The following GRIP1 variants were observed in gnomAD, a reference collection of about 807,000 sequenced individuals.
GRIP1 encodes glutamate receptor interacting protein 1.
A neutral mutation model predicts 129.9 loss-of-function variants in GRIP1; 45 were observed. The observed-to-expected ratio is 0.35, with a 90% CI of 0.27 to 0.44. The LOEUF (loss-of-function observed/expected upper bound fraction) is 0.44. Among genes scored for constraint, GRIP1 ranks in the 20% least tolerant of loss-of-function variants. The pLI is 1.00. For missense variants in GRIP1, 1,196 were observed against 1,396.8 expected (o/e 0.86, Z 2.29); for synonymous variants, 530 against 520.8 (o/e 1.02, Z -0.24).
intron 1 of GRIP1, chr12:67,037,520 T>C (rs964963943): frequency 3.9e-5 from 6 of 152,112 alleles, no homozygotes; most frequent in Admixed American, 1.3e-4. Flanking sequence ...TATTTAAGCT[T>C]TTAGATTTTG....
intron 1 of GRIP1, among the ~76,000 whole-genome samples, chr12:66,748,240 C>T (rs530109124): frequency 2.0e-4 from 31 of 152,248 alleles, no homozygotes; most frequent in Non-Finnish European, 2.9e-5. Flanking sequence ...TAGTCTGAAA[C>T]TCCTGACCTC....
chr12:66,748,377 T>C (rs570801366), intron 1 of GRIP1, among the ~76,000 whole-genome samples: 3 of 152,256 alleles, frequency 2.0e-5, no homozygotes, highest in East Asian at 3.9e-4. Flanking sequence ...CCATACATAG[T>C]TGTATAATCT....
intron 7 of GRIP1, among the ~76,000 whole-genome samples, chr12:66,470,465 C>G (rs2059406795): frequency 6.6e-6 from 1 of 151,646 alleles, no homozygotes; most frequent in South Asian, 2.1e-4. Flanking sequence ...AACTGCTCTG[C>G]TCAAATGTCA....
At chr12:66,509,906 T>C (rs1316551087) in intron 7 of GRIP1, among the ~76,000 whole-genome samples, 1 of 151,966 alleles carries the variant, frequency 6.6e-6, no homozygotes. Flanking sequence ...CAAGTTTACC[T>C]ATGTAACAAA....
chr12:66,922,272 T>C (rs1237150545), intron 1 of GRIP1, among the ~76,000 whole-genome samples: 1 of 152,184 alleles, frequency 6.6e-6, no homozygotes, highest in Non-Finnish European at 1.5e-5. Flanking sequence ...ATTTACATGG[T>C]GCAAGGCTTG....
intron 1 of GRIP1, among the ~76,000 whole-genome samples, chr12:66,692,082 A>G (rs1178308545): frequency 6.6e-6 from 1 of 152,180 alleles, no homozygotes; most frequent in East Asian, 1.9e-4. Flanking sequence ...TCCCACCTTC[A>G]GTTTTCCATT....
intron 16 of GRIP1, among the ~76,000 whole-genome samples, chr12:66,401,513 A>T (rs1363035575): frequency 6.6e-6 from 1 of 151,096 alleles, no homozygotes; most frequent in East Asian, 2.0e-4. Context: ...TGGAAGGCGG[A>T]GGTTGCAGTG....
chr12:66,467,089 A>G lies in GRIP1; in HGVS notation c.725-1667T>C, dbSNP rs187819118. Among the ~76,000 whole-genome samples, 8 of 152,316 alleles carry G rather than the reference A, an allele frequency of 5.3e-5. No homozygotes were observed. In the East Asian group the frequency reaches 1.5e-3, roughly 29 times the overall value. Reference sequence around the variant, plus strand: ...GTATTAACACCATGTTTCCTAACTGACTGGTAAGATTGAAATGTTAGTCCT... The same window carrying G: ...GTATTAACACCATGTTTCCTAACTGGCTGGTAAGATTGAAATGTTAGTCCT... On this transcript the variant is annotated intron_variant, in intron 7 of 24. Coordinates refer to ENST00000359742, the MANE Select transcript of GRIP1 (RefSeq NM_001366722.1).
At chr12:66,690,753 A>T (rs2034956517) in intron 1 of GRIP1, among the ~76,000 whole-genome samples, 1 of 149,778 alleles carries the variant, frequency 6.7e-6, no homozygotes, top group African/African-American at 2.4e-5. Flanking sequence ...TTTTTATTAG[A>T]GACAAGTTCT....
chr12:66,824,908 T>C (rs534451172), intron 1 of GRIP1, among the ~76,000 whole-genome samples: 1 of 152,208 alleles, frequency 6.6e-6, no homozygotes, highest in South Asian at 2.1e-4. Context: ...TTTCATTAGC[T>C]TAGTCTAAAA....
intron 1 of GRIP1, chr12:67,069,020 C>CA: frequency 7.7e-6 from 7 of 911,814 alleles, no homozygotes; most frequent in Non-Finnish European, 9.2e-6. Flanking sequence ...GACCCCTGCC[C>CA]TCCCTCCCCG....
At position 66,982,086 on chromosome 12, in the gene GRIP1, T is replaced by C. The variant is rs146029738; in HGVS notation, c.58+86964A>G. Among the ~76,000 whole-genome samples, 418 of 152,304 alleles carry C rather than the reference T, an allele frequency of 2.7e-3. 4 individuals are homozygous for C. The highest frequency in any genetic ancestry group is 9.7e-3 in the African/African-American group (403 of 41,570). ...ACTATCTTACCTCATTTAATTTGGA[T>C]AGTAACTCTGTGACTTTGTTGAGAA... On this transcript the variant is annotated intron_variant, in intron 1 of 1. Transcript: ENST00000643019.
upstream of GRIP1, among the ~76,000 whole-genome samples, chr12:66,807,142 G>A (rs906900426): frequency 2.0e-5 from 3 of 152,096 alleles, no homozygotes; most frequent in Non-Finnish European, 4.4e-5. Context: ...CTGAGGGGTG[G>A]CGGAGGTAAA....
chr12:66,971,150 A>G lies in GRIP1; in HGVS notation c.58+97900T>C, dbSNP rs2042070547. Among the ~76,000 whole-genome samples the G allele has an allele frequency of 2.0e-5, 3 of 152,106 alleles. No homozygotes were observed. The South Asian group carries it at 6.2e-4, about 32-fold the overall frequency. Reference sequence around the variant, plus strand: ...ACTATTTAAATGGCCCTTCTAGTCTATGGTTCCAGTTGCTTCTGCTGTAGG... The same window carrying G: ...ACTATTTAAATGGCCCTTCTAGTCTGTGGTTCCAGTTGCTTCTGCTGTAGG... On this transcript the variant is annotated intron_variant, in intron 1 of 1. Coordinates refer to the GRIP1 transcript ENST00000643019.
chr12:66,934,793 C>T (rs374309481), intron 1 of GRIP1, among the ~76,000 whole-genome samples: 2 of 152,156 alleles, frequency 1.3e-5, no homozygotes, highest in South Asian at 2.1e-4. Flanking sequence ...CTACAGGGAT[C>T]GTGGACGATG....
Position 66,406,320 on chromosome 12 carries a change from C to T in GRIP1, c.1947G>A (p.Leu649=), listed in dbSNP as rs1172450779. Residue 649 remains leucine (L), a synonymous_variant, in exon 16 of 25, where the codon CTG becomes CTA. Coordinates refer to ENST00000359742, the MANE Select transcript of GRIP1 (RefSeq NM_001366722.1). The stretch of plus-strand genomic sequence containing the variant: ...CATCTTTGCGGATTTTGAGCTTCAC[C>T]AGGTCTTCACATTGCTGGAGGATCT... The part of the protein sequence containing the change: ...AVQILQQCED[L]VKLKIRKDED... 5.6e-6 allele frequency: 9 copies of T among 1,614,094 alleles called. No homozygotes were observed. Among genetic ancestry groups the T allele is most frequent in the Non-Finnish European group, 6.8e-6 (8 of 1,179,972 alleles).
intron 1 of GRIP1, among the ~76,000 whole-genome samples, chr12:66,988,195 C>G (rs1165095678): frequency 6.6e-6 from 1 of 152,108 alleles, no homozygotes; most frequent in Non-Finnish European, 1.5e-5. Context: ...CTAGTTAATT[C>G]TTTCTTTTAA....
At chr12:66,492,154 C>T (rs561747964) in intron 7 of GRIP1, among the ~76,000 whole-genome samples, 1 of 151,052 alleles carries the variant, frequency 6.6e-6, no homozygotes, top group African/African-American at 2.4e-5. Flanking sequence ...CTACAGTTGG[C>T]TTCATGTTTC....
rs183219373 is a variant in GRIP1, at chr12:66,429,819, T to C, written c.1768+2729A>G. Among the ~76,000 whole-genome samples, 181 of 152,350 alleles carry C rather than the reference T, an allele frequency of 1.2e-3. 1 individual carries two copies. Among genetic ancestry groups the C allele is most frequent in the Non-Finnish European group, 1.7e-3 (118 of 68,032 alleles). ...CACAATGTGTTTAAGGCATTTTACA[T>C]ATAGTAATTCATTTAATCTTGTCAA... On this transcript the variant is annotated intron_variant, in intron 14 of 24. Transcript: ENST00000359742.
Sources: allele counts gnomAD v4.1 joint callset (sites outside exome capture counted in the v4.1 genomes callset), GRCh38; gene constraint gnomAD v4.1.1; transcripts MANE v1.5; gene names NCBI Gene and HGNC (gene_info 2026-07-23, HGNC 2026-07-21).